VTI1A: variants seen among roughly 807,000 people sequenced by gnomAD.
The protein encoded by VTI1A is vesicle transport through interaction with t-SNAREs 1A, also known as vesicle transport through interaction with t-SNAREs homolog 1A.
A neutral mutation model predicts 34.9 loss-of-function variants in VTI1A; 22 were observed. The ratio of observed to expected loss-of-function variants is 0.63; its 90% confidence interval spans 0.45 to 0.90. VTI1A has a LOEUF of 0.90. Ranked by LOEUF, VTI1A falls within the 40% of genes least tolerant of loss-of-function variation. The pLI is 0.00. For synonymous variants in VTI1A, 87 were observed against 97.3 expected (o/e 0.89, Z 0.62); for missense variants, 268 against 275.6 (o/e 0.97, Z 0.20).
intron 7 of VTI1A, among the ~76,000 whole-genome samples, chr10:112,699,705 C>T (rs1848923843): frequency 6.6e-6 from 1 of 151,762 alleles, no homozygotes; most frequent in Non-Finnish European, 1.5e-5. Context: ...GTGGCACATG[C>T]CTGCAATCCC....
chr10:112,672,502 C>G (rs1847886917), intron 7 of VTI1A, among the ~76,000 whole-genome samples: 1 of 152,244 alleles, frequency 6.6e-6, no homozygotes. Context: ...ACTCTGTAGA[C>G]AGAGTTTAAA....
chr10:112,642,495 A>C (rs1362685031), intron 5 of VTI1A, among the ~76,000 whole-genome samples: 4 of 152,170 alleles, frequency 2.6e-5, no homozygotes, highest in Non-Finnish European at 5.9e-5. Context: ...ATTTAAAAGC[A>C]GTTGCTGATT....
At chr10:112,508,684 A>G (rs1006659716) in intron 3 of VTI1A, among the ~76,000 whole-genome samples, 1 of 152,218 alleles carries the variant, frequency 6.6e-6, no homozygotes, top group African/African-American at 2.4e-5. Flanking sequence ...CAAAACTGGA[A>G]TTTGAATTAT....
At chr10:112,635,191 C>CT (rs1263176041) in intron 5 of VTI1A, among the ~76,000 whole-genome samples, 2 of 152,184 alleles carry the variant, frequency 1.3e-5, no homozygotes, top group African/African-American at 4.8e-5. Flanking sequence ...CTTCAAGCAG[C>CT]TTTTACTCTG....
At chr10:112,838,488 AT>A in the VTI1A span, among the ~76,000 whole-genome samples, 1 of 150,726 alleles carries the variant, frequency 6.6e-6, no homozygotes, top group Admixed American at 6.6e-5. Flanking sequence ...CCTGTATCAG[AT>A]TTTTTCCCCC....
chr10:112,760,468 A>AT (rs1851425410), intron 7 of VTI1A, among the ~76,000 whole-genome samples: 1 of 152,222 alleles, frequency 6.6e-6, no homozygotes, highest in South Asian at 2.1e-4. Context: ...GGAGACTACT[A>AT]TATCCTGTTC....
intron 7 of VTI1A, among the ~76,000 whole-genome samples, chr10:112,775,713 C>T (rs1304691323): frequency 6.6e-6 from 1 of 152,076 alleles, no homozygotes; most frequent in Non-Finnish European, 1.5e-5. Flanking sequence ...AATACACTGG[C>T]CAGAACTAGT....
intron 5 of VTI1A, among the ~76,000 whole-genome samples, chr10:112,558,843 G>C (rs1456974957): frequency 6.6e-6 from 1 of 152,250 alleles, no homozygotes; most frequent in Non-Finnish European, 1.5e-5. Context: ...CAGGGTGCAA[G>C]GGTCCTGTGA....
intron 5 of VTI1A, among the ~76,000 whole-genome samples, chr10:112,588,293 C>T (rs1206341332): frequency 6.6e-6 from 1 of 151,878 alleles, no homozygotes; most frequent in Non-Finnish European, 1.5e-5. Flanking sequence ...TTGGGCCATA[C>T]CATTATGAAG....
intron 7 of VTI1A, among the ~76,000 whole-genome samples, chr10:112,671,565 T>C (rs1443721197): frequency 2.0e-5 from 3 of 152,234 alleles, no homozygotes. Flanking sequence ...TTTTTAAACC[T>C]TGATTGTTCT....
rs57853028 is a variant in VTI1A, at chr10:112,518,547, T to TTCTCTC, written c.265-8502_265-8497dup. On this transcript the variant is annotated intron_variant, in intron 3 of 7. Coordinates refer to ENST00000393077, the MANE Select transcript of VTI1A (RefSeq NM_145206.4). ...CAGCATGGTGAGACCTCATATCTCTTTCTCTCTCTCTCTCTCTCTCTCTCT... is the reference window on the plus strand; with the variant it reads ...CAGCATGGTGAGACCTCATATCTCTTTCTCTCTCTCTCTCTCTCTCTCTCTCTCTCT... Among the ~76,000 whole-genome samples, 4 of 101,542 alleles carry TTCTCTC rather than the reference T, an allele frequency of 3.9e-5. No homozygotes were observed. The South Asian group carries it at 1.2e-3, about 30-fold the overall frequency. 66.6% of individuals were successfully genotyped at this position (101,542 alleles called of 152,430 possible).
chr10:112,514,783 C>T (rs1166573665), intron 3 of VTI1A, among the ~76,000 whole-genome samples: 3 of 151,846 alleles, frequency 2.0e-5, no homozygotes, highest in South Asian at 2.1e-4. Context: ...CAAAATGTAG[C>T]GGTAACTTGA....
intron 7 of VTI1A, chr10:112,737,475 GTC>G: frequency 9.5e-7 from 1 of 1,048,392 alleles, no homozygotes; most frequent in Non-Finnish European, 1.2e-6. Context: ...AATTTTTAAA[GTC>G]TCTTCCGCAT....
intron 3 of VTI1A, among the ~76,000 whole-genome samples, chr10:112,500,772 A>G (rs1849206663): frequency 6.6e-6 from 1 of 152,084 alleles, no homozygotes; most frequent in East Asian, 1.9e-4. Flanking sequence ...TTCTCTTACA[A>G]TTCTTTTCCT....
At chr10:112,644,046 T>C (rs1846681998) in intron 5 of VTI1A, among the ~76,000 whole-genome samples, 1 of 152,130 alleles carries the variant, frequency 6.6e-6, no homozygotes, top group Non-Finnish European at 1.5e-5. Context: ...TGAATCATAG[T>C]GCATTCTGTT....
At chr10:112,846,782 AG>A in the VTI1A span, among the ~76,000 whole-genome samples, 577 of 147,234 alleles carry the variant, frequency 3.9e-3, 5 homozygotes, top group African/African-American at 0.015. Context: ...AAAAAAAAAA[AG>A]AAAAAAGAAA....
rs35437904 is a variant in VTI1A at position 112,520,647 on chromosome 10, G to GTATATA, written c.265-6419_265-6414dup. On this transcript the variant is annotated intron_variant, in intron 3 of 7. Transcript: ENST00000393077. ...TGTGTGTGTGTGTGTGTGTGTGTGT[G>GTATATA]TATATATATATATATATATATATAT... Among the ~76,000 whole-genome samples the GTATATA allele has an allele frequency of 1.1e-3, 143 of 128,978 alleles. 2 individuals carry two copies. Among genetic ancestry groups the GTATATA allele is most frequent in the African/African-American group, 3.2e-3 (113 of 35,426 alleles). 84.6% of individuals were successfully genotyped at this position (128,978 alleles called of 152,430 possible).
chr10:112,846,945 C>G, the VTI1A span, among the ~76,000 whole-genome samples: 1 of 152,096 alleles, frequency 6.6e-6, no homozygotes, highest in Non-Finnish European at 1.5e-5. Flanking sequence ...GGTGAAGACT[C>G]CAGGAGGAAT....
rs142440863 is a variant in VTI1A, at chr10:112,646,053, G to A, written c.428-22165G>A. On this transcript the variant is annotated intron_variant, in intron 5 of 7. Coordinates refer to ENST00000393077, the MANE Select transcript of VTI1A (RefSeq NM_145206.4). Reference sequence around the variant, plus strand: ...CATCCATTTTTATTTATGTGCCATAGGGTGATAGATATATGTTTATAAGTA... The same window carrying A: ...CATCCATTTTTATTTATGTGCCATAAGGTGATAGATATATGTTTATAAGTA... Among the ~76,000 whole-genome samples, 4 of 150,542 alleles carry A rather than the reference G, an allele frequency of 2.7e-5. No homozygotes were observed. In the East Asian group the frequency reaches 5.9e-4, roughly 22 times the overall value.
Sources: gnomAD v4.1 joint callset for allele counts (sites outside exome capture counted in the v4.1 genomes callset) on GRCh38, gnomAD v4.1.1 for gene constraint, MANE v1.5 for transcripts, NCBI Gene and HGNC (gene_info 2026-07-23, HGNC 2026-07-21) for gene names.